The following CHGA variants were observed in gnomAD, a reference collection of about 807,000 sequenced individuals.
CHGA encodes the protein chromogranin-A.
A neutral mutation model predicts 54.4 loss-of-function variants in CHGA; 41 were observed. The ratio of observed to expected loss-of-function variants is 0.75; its 90% CI spans 0.59 to 0.98. CHGA has a LOEUF of 0.98. Among genes scored for constraint, CHGA ranks in the 50% least tolerant of loss-of-function variants. The pLI is 0.00. For synonymous variants in CHGA, 249 were observed against 232.8 expected (o/e 1.07, Z -0.63); for missense variants, 576 against 582.3 (o/e 0.99, Z 0.11).
At chr14:92,929,481 C>T (rs1886951590) in intron 4 of CHGA, among the ~76,000 whole-genome samples, 1 of 152,198 alleles carries the variant, frequency 6.6e-6, no homozygotes, top group East Asian at 1.9e-4. Context: ...CTCTGGCCTC[C>T]CAGGGAGAAG....
chr14:92,925,835 A>T (rs953792985), intron 2 of CHGA, among the ~76,000 whole-genome samples: 1 of 152,206 alleles, frequency 6.6e-6, no homozygotes, highest in Non-Finnish European at 1.5e-5. Flanking sequence ...AGAGAGGTTA[A>T]GTCACTTCTC....
In CHGA at chr14:92,923,186, G is replaced by T; in HGVS notation, c.-174G>T. 1 of 450,494 alleles carries T rather than the reference G, an allele frequency of 2.2e-6. No homozygotes were observed. Among genetic ancestry groups the T allele is most frequent in the Non-Finnish European group, 3.5e-6 (1 of 285,652 alleles). 27.9% of individuals were successfully genotyped at this position (450,494 alleles called of 1,614,324 possible). On this transcript the variant is annotated 5_prime_UTR_variant, in exon 1 of 8. Coordinates refer to ENST00000216492, the MANE Select transcript of CHGA (RefSeq NM_001275.4). Reference sequence around the variant, plus strand: ...TGCCACTGCAGTGCTCGAGCCCCGTGCAGGGGAGCTTGCGGGAGGATCGAC... The same window carrying T: ...TGCCACTGCAGTGCTCGAGCCCCGTTCAGGGGAGCTTGCGGGAGGATCGAC...
rs567717670 is a variant in CHGA, at chr14:92,933,752, G to T, written c.1290+901G>T. On this transcript the variant is annotated intron_variant, in intron 7 of 7. Coordinates refer to ENST00000216492, the MANE Select transcript of CHGA (RefSeq NM_001275.4). ...CTCCATGTTGGCAGCTGTAGCGGGA[G>T]AGGGCATCTGCCCACGTGCCTGGGA... 5.9e-5 allele frequency among the ~76,000 whole-genome samples: 9 copies of T among 152,180 alleles called. No individual in the cohort carries two copies. The South Asian group carries it at 1.2e-3, about 21-fold the overall frequency.
intron 7 of CHGA, chr14:92,933,346 G>T (rs574688536): frequency 1.9e-4 from 29 of 154,420 alleles, no homozygotes; most frequent in Admixed American, 1.9e-3. Context: ...TCTTGGCTGC[G>T]TGGACTTGGG....
In CHGA at chr14:92,932,901, G is replaced by A. The variant is rs1727048564; in HGVS notation, c.1290+50G>A. On this transcript the variant is annotated intron_variant, in intron 7 of 7. Transcript: ENST00000216492. The surrounding 1 kb of genome is among the most constrained non-coding windows in gnomAD (Gnocchi z 5.3). ...CTGTGCCAGGCCACGGAGCAGCAGG[G>A]GGCAGCCGCACCCAGACACACTGCC... 1 of 1,450,826 alleles carries A rather than the reference G, an allele frequency of 6.9e-7. No individual in the cohort carries two copies. Among genetic ancestry groups the A allele is most frequent in the African/African-American group, 1.4e-5 (1 of 69,768 alleles). The allele number at this position is 1,450,826 out of a possible 1,614,324, so 89.9% of individuals were successfully genotyped here.
In CHGA at chr14:92,932,912, C is replaced by A; in HGVS notation, c.1290+61C>A. 8 of 1,448,184 alleles carry A rather than the reference C, an allele frequency of 5.5e-6. No individual in the cohort carries two copies. Among genetic ancestry groups the A allele is most frequent in the Non-Finnish European group, 7.3e-6 (8 of 1,098,660 alleles). The allele number at this position is 1,448,184 out of a possible 1,614,324, so 89.7% of individuals were successfully genotyped here. ...CACGGAGCAGCAGGGGGCAGCCGCA[C>A]CCAGACACACTGCCCCTGCCCCACT... On this transcript the variant is annotated intron_variant, in intron 7 of 7. Transcript: ENST00000216492. This position sits in a 1 kb window ranked among gnomAD's most constrained non-coding sequence, Gnocchi z 5.3.
rs1399195097 is a variant in CHGA, at chr14:92,931,491, C to G, written c.597C>G (p.Ala199=). ...LPSQKYPGPQ[A]EGDSEGLSQG... is the part of the protein sequence containing the mutation. The stretch of plus-strand genomic sequence containing the variant: ...GCCAGAAATACCCAGGCCCACAGGC[C>G]GAGGGGGACAGTGAGGGCCTCTCTC... The change falls in exon 6 of 8, where the codon GCC becomes GCG. Residue 199 remains alanine, a synonymous_variant. Transcript: ENST00000216492. 6.2e-7 allele frequency: 1 copy of G among 1,612,084 alleles called. No individual in the cohort carries two copies. Among genetic ancestry groups the G allele is most frequent in the Non-Finnish European group, 8.5e-7 (1 of 1,179,536 alleles).
At chr14:92,924,166 G>A (rs1886842082) in intron 1 of CHGA, 33 bp from the exon 2 acceptor site, 1 of 1,606,764 alleles carries the variant, frequency 6.2e-7, no homozygotes, top group Non-Finnish European at 8.5e-7. Flanking sequence ...TTGGAGCAGA[G>A]GAGTGACCCC....
At chr14:92,934,021 T>C (rs967462407) in intron 7 of CHGA, among the ~76,000 whole-genome samples, 5 of 152,042 alleles carry the variant, frequency 3.3e-5, no homozygotes, top group African/African-American at 1.2e-4. Flanking sequence ...GTAGAGTCTA[T>C]TTCCACGGCC....
Position 92,931,355 on chromosome 14 carries a change from TC to T in CHGA, c.464del (p.Pro155ArgfsTer63). On this transcript the variant is annotated frameshift_variant, in exon 6 of 8. Transcript: ENST00000216492. LOFTEE classifies it high-confidence loss of function. ...ACAGACGGAGCCAGGCCCCAGGCCC[TC>T]CCGGAGCCCATGCAGGAGTCCAAGG... ...EATDGARPQA[L>X]PEPMQESKAE... 1 of 1,613,362 alleles carries T rather than the reference TC, an allele frequency of 6.2e-7. No homozygotes were observed. Among genetic ancestry groups the T allele is most frequent in the Non-Finnish European group, 8.5e-7 (1 of 1,179,950 alleles).
Position 92,932,086 on chromosome 14 carries a change from A to G in CHGA, c.809-284A>G. 2.2e-6 allele frequency: 1 copy of G among 458,288 alleles called. No homozygotes were observed. The highest frequency in any genetic ancestry group is 3.9e-5 in the East Asian group (1 of 25,908). The allele number at this position is 458,288 out of a possible 1,614,324, so 28.4% of individuals were successfully genotyped here. On this transcript the variant is annotated intron_variant, in intron 6 of 7. Transcript: ENST00000216492. This position sits in a 1 kb window ranked among gnomAD's most constrained non-coding sequence, Gnocchi z 5.3. ...GTGTCAGCTTCAACTACGGTTTAGG[A>G]GAGGCCCTGGCTCCCGCTGCGGGCC...
chr14:92,934,203 GC>G (rs1334208152), intron 7 of CHGA, among the ~76,000 whole-genome samples: 1 of 152,220 alleles, frequency 6.6e-6, no homozygotes, highest in Admixed American at 6.5e-5. Flanking sequence ...GAAAGCTTCT[GC>G]AGACGGGCAT....
chr14:92,925,337 A>G (rs1886866686), intron 2 of CHGA, among the ~76,000 whole-genome samples: 1 of 152,156 alleles, frequency 6.6e-6, no homozygotes, highest in Non-Finnish European at 1.5e-5. Flanking sequence ...ACAGGTGGTT[A>G]TCTGATATTC....
At chr14:92,923,427 GC>G in intron 1 of CHGA, 22 bp downstream of exon 1, 1 of 1,256,908 alleles carries the variant, frequency 8.0e-7, no homozygotes. Flanking sequence ...CGGGGAGCTC[GC>G]GGGAGAGGGT....
Position 92,934,806 on chromosome 14 carries a change from G to T in CHGA, c.1296G>T (p.Gln432His). Residue 432 changes from glutamine to histidine, a missense_variant, in exon 8 of 8, where the codon CAG becomes CAT. Physicochemically the swap from Gln to His is conservative, Grantham distance 24. Transcript: ENST00000216492. ...AACCCCAATGTCTCTCCTAGGACCA[G>T]GAGCTGGAGAGCCTGTCGGCCATTG... ...EGSANRRPED[Q>H]ELESLSAIEA... is the part of the protein sequence containing the mutation. 6.3e-7 allele frequency: 1 copy of T among 1,581,762 alleles called. No individual in the cohort carries two copies. Among genetic ancestry groups the T allele is most frequent in the East Asian group, 2.3e-5 (1 of 42,986 alleles).
chr14:92,928,950 A>G (rs1886940531), intron 4 of CHGA, among the ~76,000 whole-genome samples: 1 of 152,232 alleles, frequency 6.6e-6, no homozygotes, highest in African/African-American at 2.4e-5. Context: ...GGAGCTAGGA[A>G]ATAGCCAGAA....
chr14:92,931,790 T>A, intron 6 of CHGA, 88 bp downstream of exon 6: 1 of 1,306,072 alleles, frequency 7.7e-7, no homozygotes, highest in Non-Finnish European at 1.1e-6. Flanking sequence ...TCATTCCACC[T>A]TCATAACAAC....
chr14:92,934,643 C>T (rs1317962613), intron 7 of CHGA, among the ~76,000 whole-genome samples, 158 bp from the exon 8 acceptor site: 1 of 152,166 alleles, frequency 6.6e-6, no homozygotes, highest in Non-Finnish European at 1.5e-5. Context: ...GAGAGCAGTA[C>T]AGTAAGCTCA....
At position 92,933,228 on chromosome 14, in the gene CHGA, C is replaced by A. The variant is rs535045444; in HGVS notation, c.1290+377C>A. The stretch of plus-strand genomic sequence containing the variant: ...CCAGGCTCAGGCCCTGCCTCTGGCC[C>A]ATGAGGGTAACGGGGCAGGGCAGGG... On this transcript the variant is annotated intron_variant, in intron 7 of 7. Coordinates refer to ENST00000216492, the MANE Select transcript of CHGA (RefSeq NM_001275.4). 14 of 185,182 alleles carry A rather than the reference C, an allele frequency of 7.6e-5. No individual in the cohort carries two copies. The South Asian group carries it at 2.2e-3, about 29-fold the overall frequency. 11.5% of individuals were successfully genotyped at this position (185,182 alleles called of 1,614,324 possible).
Sources: allele counts gnomAD v4.1 joint callset (sites outside exome capture counted in the v4.1 genomes callset), GRCh38; gene constraint gnomAD v4.1.1; non-coding constraint Gnocchi (gnomAD v3.1); transcripts MANE v1.5; gene names NCBI Gene and HGNC (gene_info 2026-07-23, HGNC 2026-07-21).